Variants in PAK5 observed in about 807,000 individuals in gnomAD.
PAK5 encodes the protein serine/threonine-protein kinase PAK 5.
A neutral mutation model predicts 65.9 loss-of-function variants in PAK5; 16 were observed. The ratio of observed to expected loss-of-function variants is 0.24; its 90% CI spans 0.16 to 0.37. The LOEUF (loss-of-function observed/expected upper bound fraction) is 0.37. Among genes scored for constraint, PAK5 ranks in the 10% least tolerant of loss-of-function variants. PAK5 has a pLI of 1.00. For missense variants in PAK5, 785 were observed against 903.9 expected (o/e 0.87, Z 1.69); for synonymous variants, 371 against 354.9 (o/e 1.05, Z -0.51).
chr20:9,660,150 CAGA>C (rs1479275674), intron 2 of PAK5, among the ~76,000 whole-genome samples: 2 of 151,980 alleles, frequency 1.3e-5, no homozygotes, highest in African/African-American at 4.8e-5. Flanking sequence ...TCTCAAACCC[CAGA>C]AGAACCTGAG....
intron 1 of PAK5, among the ~76,000 whole-genome samples, chr20:9,728,119 C>A (rs541406358): frequency 6.6e-6 from 1 of 152,186 alleles, no homozygotes; most frequent in Admixed American, 6.5e-5. Context: ...GAGGGCCCTG[C>A]CCTCATGGAC....
At chr20:9,752,436 T>G (rs2048587629) in intron 1 of PAK5, among the ~76,000 whole-genome samples, 1 of 151,568 alleles carries the variant, frequency 6.6e-6, no homozygotes, top group African/African-American at 2.4e-5. Context: ...TGGCCAAGAG[T>G]GGAAGTAGGG....
At chr20:9,784,401 G>A (rs2048971902) in intron 1 of PAK5, 1 of 152,198 alleles carries the variant, frequency 6.6e-6, no homozygotes, top group African/African-American at 2.4e-5. Context: ...CAGCTTTGAT[G>A]CTCAGGGAAG....
At chr20:9,600,683 T>A (rs73895922) in intron 3 of PAK5, among the ~76,000 whole-genome samples, 8,606 of 152,254 alleles carry the variant, frequency 0.057, 747 homozygotes, top group African/African-American at 0.19. Flanking sequence ...AGCAAGGGAT[T>A]AACCTTTCTT....
intron 1 of PAK5, among the ~76,000 whole-genome samples, chr20:9,814,956 C>A (rs1185094736): frequency 6.6e-6 from 1 of 152,126 alleles, no homozygotes; most frequent in African/African-American, 2.4e-5. Context: ...AGAAGCATAG[C>A]ACCTGCACCT....
intron 1 of PAK5, among the ~76,000 whole-genome samples, chr20:9,718,727 C>A (rs1222964159): frequency 6.6e-6 from 1 of 152,082 alleles, no homozygotes; most frequent in East Asian, 1.9e-4. Flanking sequence ...TAGAACCTTT[C>A]CAAAAAAAAT....
At chr20:9,673,976 G>T (rs2047534700) in intron 2 of PAK5, among the ~76,000 whole-genome samples, 1 of 152,172 alleles carries the variant, frequency 6.6e-6, no homozygotes, top group Non-Finnish European at 1.5e-5. Flanking sequence ...CATGGATTTA[G>T]AATCAGAAAA....
At chr20:9,787,739 A>C (rs1309022482) in intron 1 of PAK5, among the ~76,000 whole-genome samples, 1 of 151,940 alleles carries the variant, frequency 6.6e-6, no homozygotes, top group African/African-American at 2.4e-5. Flanking sequence ...TGCTAAGTGC[A>C]GATTTGGGAA....
chr20:9,689,413 T>C (rs1377195165), intron 2 of PAK5, among the ~76,000 whole-genome samples: 1 of 152,206 alleles, frequency 6.6e-6, no homozygotes. Flanking sequence ...CTCAATTGAT[T>C]GCAAGCAGAC....
intron 1 of PAK5, among the ~76,000 whole-genome samples, chr20:9,774,311 G>A (rs2048864633): frequency 6.6e-6 from 1 of 152,198 alleles, no homozygotes; most frequent in African/African-American, 2.4e-5. Context: ...GCACAAAACT[G>A]TGATAGAGCA....
chr20:9,613,234 G>T (rs2046596608), intron 3 of PAK5, among the ~76,000 whole-genome samples: 1 of 152,226 alleles, frequency 6.6e-6, no homozygotes, highest in Non-Finnish European at 1.5e-5. Flanking sequence ...TAAACAAACA[G>T]AAAATTTCAA....
chr20:9,808,889 C>G (rs923275883), intron 1 of PAK5, among the ~76,000 whole-genome samples: 1 of 151,964 alleles, frequency 6.6e-6, no homozygotes, highest in African/African-American at 2.4e-5. Context: ...CTCAGTAAAT[C>G]TGTTGTTTTA....
intron 1 of PAK5, among the ~76,000 whole-genome samples, chr20:9,768,757 T>C (rs1373700641): frequency 8.3e-6 from 1 of 119,910 alleles, no homozygotes; most frequent in Non-Finnish European, 1.6e-5. Flanking sequence ...CACTCCAGCC[T>C]GGGCAACAGA....
chr20:9,713,154 C>T (rs962159071), intron 1 of PAK5, among the ~76,000 whole-genome samples: 2 of 151,996 alleles, frequency 1.3e-5, no homozygotes, highest in African/African-American at 2.4e-5. Context: ...ATATTAGAAA[C>T]TCAAACAACT....
chr20:9,659,782 G>A (rs192847456), intron 2 of PAK5, among the ~76,000 whole-genome samples: 24 of 152,246 alleles, frequency 1.6e-4, no homozygotes, highest in African/African-American at 5.8e-4. Context: ...ATCTGTCATT[G>A]GATATTGCCT....
chr20:9,690,533 G>T (rs1285226810), intron 2 of PAK5, among the ~76,000 whole-genome samples: 1 of 151,958 alleles, frequency 6.6e-6, no homozygotes, highest in African/African-American at 2.4e-5. Context: ...ATGAGAAAGT[G>T]AGTACCGTGG....
chr20:9,655,460 A>G lies in PAK5; in HGVS notation c.-11-11121T>C, dbSNP rs554027987. ...ATTTGGGGTGTTATGTTAAAAAAAA[A>G]TAAAAAAGCAAACCTTGGCTATCTT... On this transcript the variant is annotated intron_variant, in intron 2 of 9. Coordinates refer to ENST00000353224, the MANE Select transcript of PAK5 (RefSeq NM_177990.4). Among the ~76,000 whole-genome samples the G allele has an allele frequency of 5.2e-3, 797 of 152,208 alleles. 7 individuals carry two copies. The highest frequency in any genetic ancestry group is 7.6e-3 in the Non-Finnish European group (519 of 68,012).
At chr20:9,715,265 C>A (rs976734865) in intron 1 of PAK5, among the ~76,000 whole-genome samples, 9 of 152,110 alleles carry the variant, frequency 5.9e-5, no homozygotes, top group Non-Finnish European at 8.8e-5. Context: ...CAAAAGAAGA[C>A]ATTTATGCAG....
At chr20:9,712,715 C>T (rs1406313755) in intron 1 of PAK5, among the ~76,000 whole-genome samples, 1 of 152,094 alleles carries the variant, frequency 6.6e-6, no homozygotes, top group Non-Finnish European at 1.5e-5. Context: ...AATAAATCCA[C>T]GCACTTACAG....
Sources: allele counts gnomAD v4.1 joint callset (sites outside exome capture counted in the v4.1 genomes callset), GRCh38; gene constraint gnomAD v4.1.1; transcripts MANE v1.5; gene names NCBI Gene and HGNC (gene_info 2026-07-23, HGNC 2026-07-21).